CDH20: variants seen among roughly 807,000 people sequenced by gnomAD.
CDH20 encodes the protein cadherin 20, also known as cadherin-20.
In CDH20, 29 loss-of-function variants were observed where a neutral mutation model predicts 74.2. The ratio of observed to expected loss-of-function variants is 0.39; its 90% CI spans 0.29 to 0.53. The LOEUF is 0.53. CDH20 is among the 20% of genes least tolerant of loss of function. CDH20 has a pLI of 0.69. For synonymous variants in CDH20, 469 were observed against 405.4 expected (o/e 1.16, Z -1.88); for missense variants, 988 against 1,048.3 (o/e 0.94, Z 0.79).
intron 1 of CDH20, among the ~76,000 whole-genome samples, chr18:61,412,562 A>C (rs567810878): frequency 6.6e-6 from 1 of 152,214 alleles, no homozygotes; most frequent in East Asian, 1.9e-4. Flanking sequence ...ACAAAAAAGA[A>C]TAGTCCAACA....
intron 1 of CDH20, among the ~76,000 whole-genome samples, chr18:61,336,255 A>G (rs1453957606): frequency 6.6e-6 from 1 of 152,244 alleles, no homozygotes; most frequent in Admixed American, 6.5e-5. Flanking sequence ...ACTCCCTGAG[A>G]TAGCCCAGAG....
intron 1 of CDH20, among the ~76,000 whole-genome samples, chr18:61,431,570 C>T (rs1197164943): frequency 1.3e-5 from 2 of 152,060 alleles, no homozygotes; most frequent in Non-Finnish European, 2.9e-5. Flanking sequence ...AACATCCTTG[C>T]AACTTTTCTG....
chr18:61,416,991 A>C (rs1270589357), intron 1 of CDH20, among the ~76,000 whole-genome samples: 1 of 152,270 alleles, frequency 6.6e-6, no homozygotes, highest in African/African-American at 2.4e-5. Context: ...ATAAAGCACC[A>C]GAAAAATATT....
At chr18:61,454,175 G>A (rs1909495965) in intron 1 of CDH20, among the ~76,000 whole-genome samples, 1 of 152,082 alleles carries the variant, frequency 6.6e-6, no homozygotes, top group Admixed American at 6.5e-5. Flanking sequence ...CCACTGTTGA[G>A]TTTTGAGAGT....
intron 1 of CDH20, among the ~76,000 whole-genome samples, chr18:61,349,965 A>T (rs1039863000): frequency 7.9e-5 from 12 of 152,180 alleles, no homozygotes; most frequent in Non-Finnish European, 1.8e-4. Flanking sequence ...TTACATTTAC[A>T]TTGACTCAAG....
Position 61,555,081 on chromosome 18 carries a change from T to C in CDH20, c.*386T>C. The C allele has an allele frequency of 1.9e-6, 2 of 1,048,774 alleles. No homozygotes were observed. Among genetic ancestry groups the C allele is most frequent in the Non-Finnish European group, 2.3e-6 (2 of 870,404 alleles). 65.0% of individuals were successfully genotyped at this position (1,048,774 alleles called of 1,614,324 possible). ...GAGATGCCAATTGAAAGCAGAAAGT[T>C]CTACTCTCGTATCTGTTTTTTATCT... On this transcript the variant is annotated 3_prime_UTR_variant, in exon 12 of 12. Transcript: ENST00000262717.
At chr18:61,451,069 G>T (rs1909369621) in intron 1 of CDH20, among the ~76,000 whole-genome samples, 1 of 151,538 alleles carries the variant, frequency 6.6e-6, no homozygotes, top group Admixed American at 6.6e-5. Flanking sequence ...TTTATATTTT[G>T]ATATATATTG....
intron 3 of CDH20, 75 bp downstream of exon 3, chr18:61,499,555 C>A (rs1911289475): frequency 8.9e-7 from 1 of 1,117,694 alleles, no homozygotes; most frequent in Non-Finnish European, 1.3e-6. Flanking sequence ...TATGCACATG[C>A]ACACACACAT....
chr18:61,360,555 T>G (rs1053209421), intron 1 of CDH20, among the ~76,000 whole-genome samples: 3 of 151,960 alleles, frequency 2.0e-5, no homozygotes, highest in African/African-American at 7.3e-5. Context: ...AGGGGAGAGC[T>G]GAGATTTATG....
At chr18:61,366,318 G>A (rs866931568) in intron 1 of CDH20, among the ~76,000 whole-genome samples, 3 of 152,108 alleles carry the variant, frequency 2.0e-5, no homozygotes, top group South Asian at 2.1e-4. Flanking sequence ...TACTGAGAAT[G>A]TTTTTTAAAG....
intron 1 of CDH20, among the ~76,000 whole-genome samples, chr18:61,445,187 TA>T (rs1282480238): frequency 6.6e-6 from 1 of 151,960 alleles, no homozygotes; most frequent in African/African-American, 2.4e-5. Flanking sequence ...TTATTATATT[TA>T]TAATTATATC....
At chr18:61,352,256 G>A (rs1383816003) in intron 1 of CDH20, among the ~76,000 whole-genome samples, 1 of 152,210 alleles carries the variant, frequency 6.6e-6, no homozygotes, top group Admixed American at 6.5e-5. Context: ...TGTAAAAGAT[G>A]CTAATTTCAA....
intron 1 of CDH20, among the ~76,000 whole-genome samples, chr18:61,369,991 A>G (rs1910980214): frequency 6.6e-6 from 1 of 152,136 alleles, no homozygotes; most frequent in Non-Finnish European, 1.5e-5. Flanking sequence ...ATGATGAAAC[A>G]ATCTGTACAA....
At chr18:61,545,838 C>G (rs926709589) in intron 10 of CDH20, among the ~76,000 whole-genome samples, 2 of 152,120 alleles carry the variant, frequency 1.3e-5, no homozygotes, top group African/African-American at 4.8e-5. Flanking sequence ...GAAATACTTT[C>G]AGGTAGGGTT....
Position 61,500,448 on chromosome 18 carries a change from G to C in CDH20, c.607G>C (p.Val203Leu). Residue 203 changes from valine (V) to leucine (L), a missense_variant, in exon 4 of 12, where the codon GTG becomes CTG. This residue lies in a region of CDH20 where 613 missense variants were observed against 755.2 expected (regional missense o/e 0.81). Transcript: ENST00000262717. ...CCCGACCTACGGCAACAGTGCCAGG[G>C]TGGTGTACAGCATTCTTCAGGGCCA... ...DDPTYGNSAR[V>L]VYSILQGQPY... 1 of 1,613,084 alleles carries C rather than the reference G, an allele frequency of 6.2e-7. No individual in the cohort carries two copies. Among genetic ancestry groups the C allele is most frequent in the East Asian group, 2.2e-5 (1 of 44,876 alleles).
chr18:61,439,165 G>C (rs1041667690), intron 1 of CDH20, among the ~76,000 whole-genome samples: 1 of 152,044 alleles, frequency 6.6e-6, no homozygotes, highest in Non-Finnish European at 1.5e-5. Flanking sequence ...CTTAGTACCT[G>C]GATGACGAGA....
At chr18:61,439,680 G>A (rs1308028264) in intron 1 of CDH20, among the ~76,000 whole-genome samples, 2 of 151,876 alleles carry the variant, frequency 1.3e-5, no homozygotes, top group Non-Finnish European at 2.9e-5. Context: ...ACTTTTTCTG[G>A]CTCTACAATT....
At chr18:61,475,719 TTGA>T (rs1394861456) in intron 1 of CDH20, among the ~76,000 whole-genome samples, 13 of 152,324 alleles carry the variant, frequency 8.5e-5, no homozygotes, top group Non-Finnish European at 1.6e-4. Context: ...AAATGATCAA[TTGA>T]TAATAATTCT....
intron 1 of CDH20, among the ~76,000 whole-genome samples, chr18:61,472,506 CA>C (rs143285142): frequency 0.025 from 3,778 of 152,246 alleles, 164 homozygotes; most frequent in East Asian, 0.12. Context: ...CTCCACCACT[CA>C]GGGGCAAGCT....
Sources: allele counts gnomAD v4.1 joint callset (sites outside exome capture counted in the v4.1 genomes callset), GRCh38; gene constraint gnomAD v4.1.1; regional missense constraint gnomAD v4.1.1; transcripts MANE v1.5; gene names NCBI Gene and HGNC (gene_info 2026-07-23, HGNC 2026-07-21).